The following ZDHHC21 variants were observed in gnomAD, a reference collection of about 807,000 sequenced individuals.
ZDHHC21 encodes the protein palmitoyltransferase ZDHHC21.
Under a neutral mutation model 34.6 loss-of-function variants are expected in ZDHHC21, and 15 were observed. The ratio of observed to expected loss-of-function variants is 0.43; its 90% CI spans 0.29 to 0.67. The LOEUF is 0.67. ZDHHC21 is among the 30% of genes least tolerant of loss of function. The pLI, the probability that ZDHHC21 is intolerant of heterozygous loss-of-function variation, is 0.14. For synonymous variants in ZDHHC21, 142 were observed against 101.8 expected, an observed-to-expected ratio of 1.40 and a Z score of -2.38; for missense variants, 344 against 327.7, an observed-to-expected ratio of 1.05 and a Z score of -0.38.
At chr9:14,661,247 C>A (rs1833339532) in intron 6 of ZDHHC21, among the ~76,000 whole-genome samples, 1 of 151,756 alleles carries the variant, frequency 6.6e-6, no homozygotes, top group Non-Finnish European at 1.5e-5. Context: ...AACAAATTTC[C>A]ACCAGAAGTT....
intron 7 of ZDHHC21, 102 bp from the exon 8 acceptor site, chr9:14,640,114 A>C (rs1829063475): frequency 3.4e-6 from 2 of 580,242 alleles, no homozygotes; most frequent in African/African-American, 1.9e-5. Context: ...CTTCCTTATT[A>C]TCTTAAAAGA....
At chr9:14,602,827 G>A in the ZDHHC21 span, among the ~76,000 whole-genome samples, 1 of 151,200 alleles carries the variant, frequency 6.6e-6, no homozygotes, top group Admixed American at 6.6e-5. Context: ...GGAGGCTGAG[G>A]CAGAAGGCCT....
chr9:14,638,948 A>C (rs1342944613), intron 8 of ZDHHC21, among the ~76,000 whole-genome samples: 2 of 152,054 alleles, frequency 1.3e-5, no homozygotes, highest in Non-Finnish European at 2.9e-5. Flanking sequence ...GAATACTGAG[A>C]ATTCTTAAAA....
chr9:14,643,085 A>G (rs1829661248), intron 7 of ZDHHC21, among the ~76,000 whole-genome samples: 1 of 152,108 alleles, frequency 6.6e-6, no homozygotes, highest in Non-Finnish European at 1.5e-5. Flanking sequence ...TAAAAAATAA[A>G]AATAAAAATA....
At chr9:14,636,624 G>C (rs1232761931) in intron 8 of ZDHHC21, among the ~76,000 whole-genome samples, 1 of 151,966 alleles carries the variant, frequency 6.6e-6, no homozygotes, top group African/African-American at 2.4e-5. Context: ...TCAGCAAATG[G>C]AACATTTTCC....
At position 14,616,842 on chromosome 9, in the gene ZDHHC21, C is replaced by T. The variant is rs879651502; in HGVS notation, c.*2124G>A. 1.3e-5 allele frequency: 2 copies of T among 151,546 alleles called. No homozygotes were observed. The highest frequency in any genetic ancestry group is 3.0e-5 in the Non-Finnish European group (2 of 67,752). 9.4% of individuals were successfully genotyped at this position (151,546 alleles called of 1,614,324 possible). A position where few individuals can be genotyped will look rare whatever the true frequency, so the allele number is the denominator to read the frequency against. ...TCCAATAATTTAGGGGAACTGAGTA[C>T]AGAGGGATCAGGACCAGGAAAGGTA... On this transcript the variant is annotated 3_prime_UTR_variant, in exon 10 of 10. Coordinates refer to ENST00000380916, the MANE Select transcript of ZDHHC21 (RefSeq NM_178566.6).
chr9:14,660,069 T>C (rs1253812345), intron 6 of ZDHHC21, among the ~76,000 whole-genome samples: 1 of 151,908 alleles, frequency 6.6e-6, no homozygotes, highest in Admixed American at 6.6e-5. Context: ...CTGCACTACT[T>C]AGAAAGAATG....
intron 7 of ZDHHC21, among the ~76,000 whole-genome samples, chr9:14,652,801 T>G (rs745336182): frequency 5.3e-5 from 8 of 152,034 alleles, no homozygotes; most frequent in Non-Finnish European, 8.8e-5. Flanking sequence ...ACTCATTTTT[T>G]TTGTTGTTGT....
intron 7 of ZDHHC21, among the ~76,000 whole-genome samples, chr9:14,652,462 A>G (rs1029071929): frequency 6.6e-6 from 1 of 152,038 alleles, no homozygotes; most frequent in African/African-American, 2.4e-5. Context: ...TCACATGGTA[A>G]AAACATATAA....
At chr9:14,589,355 T>A in the ZDHHC21 span, 1 of 152,144 alleles carries the variant, frequency 6.6e-6, no homozygotes, top group South Asian at 2.1e-4. Context: ...ACTACTATAA[T>A]CCCTGAAAAA....
intron 8 of ZDHHC21, chr9:14,622,710 G>T: frequency 1.0e-6 from 1 of 985,248 alleles, no homozygotes; most frequent in Non-Finnish European, 1.2e-6. Context: ...CGCACATAAA[G>T]GAATAAACAA....
intron 6 of ZDHHC21, among the ~76,000 whole-genome samples, chr9:14,660,292 GGAGGCAGAGGTTGCAGT>G (rs1287319059): frequency 7.4e-5 from 11 of 148,594 alleles, no homozygotes; most frequent in Non-Finnish European, 1.3e-4. Context: ...CTTGAGGCCA[GGAGGCAGAGGTTGCAGT>G]GAGGCAGAGG....
At chr9:14,622,696 C>CAATCGCACATAAAGGAATA (rs907925602) in intron 8 of ZDHHC21, 131 of 985,158 alleles carry the variant, frequency 1.3e-4, no homozygotes, top group Non-Finnish European at 1.6e-4. Flanking sequence ...GCACACCTGA[C>CAATCGCACATAAAGGAATA]AATCGCACAT....
intron 7 of ZDHHC21, among the ~76,000 whole-genome samples, chr9:14,648,387 A>G (rs1178214717): frequency 1.3e-5 from 2 of 152,110 alleles, no homozygotes; most frequent in South Asian, 2.1e-4. Context: ...CAAAGTCCCA[A>G]CCACTAACCA....
chr9:14,589,926 T>C, the ZDHHC21 span: 1 of 152,024 alleles, frequency 6.6e-6, no homozygotes, highest in East Asian at 1.9e-4. Context: ...TTACTAAATA[T>C]GGGAAGAAGC....
intron 7 of ZDHHC21, among the ~76,000 whole-genome samples, chr9:14,645,261 C>T (rs942358101): frequency 6.6e-6 from 1 of 151,686 alleles, no homozygotes; most frequent in Non-Finnish European, 1.5e-5. Flanking sequence ...CAAGGAGAGA[C>T]AAATAGATCA....
intron 7 of ZDHHC21, among the ~76,000 whole-genome samples, chr9:14,645,058 T>A (rs927320335): frequency 5.9e-5 from 9 of 152,052 alleles, no homozygotes; most frequent in African/African-American, 2.2e-4. Flanking sequence ...GCTATCACTA[T>A]GGTTTGTGGC....
intron 2 of ZDHHC21, among the ~76,000 whole-genome samples, chr9:14,683,033 C>G (rs1274884517): frequency 2.0e-5 from 3 of 152,136 alleles, no homozygotes; most frequent in Non-Finnish European, 4.4e-5. Flanking sequence ...CACATTCAAA[C>G]CAGTGTGTAG....
intron 7 of ZDHHC21, among the ~76,000 whole-genome samples, chr9:14,650,369 A>G (rs143583758): frequency 7.2e-5 from 11 of 152,018 alleles, no homozygotes; most frequent in African/African-American, 2.4e-4. Context: ...TTTTCATCTC[A>G]TATCAATTTT....
Sources: allele counts gnomAD v4.1 joint callset (sites outside exome capture counted in the v4.1 genomes callset), GRCh38; gene constraint gnomAD v4.1.1; transcripts MANE v1.5; gene names NCBI Gene and HGNC (gene_info 2026-07-23, HGNC 2026-07-21).